Variants in APOB observed in about 807,000 individuals in gnomAD.
APOB encodes the protein apolipoprotein B, also known as apolipoprotein B-100.
A neutral mutation model predicts 314.1 loss-of-function variants in APOB; 153 were observed. That is an observed-to-expected ratio of 0.49 (90% confidence interval 0.43 to 0.56). The LOEUF is 0.56. APOB is among the 20% of genes least tolerant of loss of function. The probability of loss-of-function intolerance (pLI) is 0.00; values close to 1 mark genes in which losing one functional copy is unlikely to be tolerated. For synonymous variants in APOB, 2,087 were observed against 2,036.4 expected, an observed-to-expected ratio of 1.02 and a Z score of -0.67; for missense variants, 5,430 against 5,350.7, an observed-to-expected ratio of 1.01 and a Z score of -0.46.
Position 21,028,013 on chromosome 2 carries a change from T to A in APOB, c.1882A>T (p.Met628Leu), listed in dbSNP as rs756884638. ...TTCCGAGAGAATTTTCTGAAGTCCA[T>A]GACAGTTGGAAGTTGAGATTCTTTC... ...ALKESQLPTV[M>L]DFRKFSRNYQ... Residue 628 changes from methionine (M) to leucine (L), a missense_variant, in exon 14 of 29, where the codon ATG becomes TTG. Coordinates refer to ENST00000233242, the MANE Select transcript of APOB (RefSeq NM_000384.3). The A allele has an allele frequency of 2.5e-6, 4 of 1,614,068 alleles. No individual in the cohort carries two copies. The highest frequency in any genetic ancestry group is 3.4e-6 in the Non-Finnish European group (4 of 1,179,894).
chr2:21,007,353 C>T lies in APOB; in HGVS notation c.9515G>A (p.Ser3172Asn), dbSNP rs763688290. The change falls in exon 26 of 29, where the codon AGT becomes AAT. Residue 3172 changes from serine (S) to asparagine (N), a missense_variant. Ser to Asn is a conservative substitution (Grantham distance 46). This residue lies in a region of APOB where 3,281 missense variants were observed against 3,171.0 expected (regional missense o/e 1.03). Coordinates refer to ENST00000233242, the MANE Select transcript of APOB (RefSeq NM_000384.3). ...GTTTTTCTTATACTGAGCTTTTACA[C>T]TTAAATCAAATGATTGCTTTGTCGT... ...LKTTKQSFDLSVKAQYKKNKH... is the reference protein window; with the variant it reads ...LKTTKQSFDLNVKAQYKKNKH... 36 of 1,613,878 alleles carry T rather than the reference C, an allele frequency of 2.2e-5. No individual in the cohort carries two copies. Among genetic ancestry groups the T allele is most frequent in the Non-Finnish European group, 2.9e-5 (34 of 1,179,960 alleles).
In APOB at chr2:21,011,184, A is replaced by G. The variant is rs149162499; in HGVS notation, c.5684T>C (p.Val1895Ala). Residue 1895 changes from valine to alanine, a missense_variant, in exon 26 of 29, where the codon GTC becomes GCC. Val to Ala is a moderately conservative substitution (Grantham distance 64). Around this residue, in one of 3 missense-constraint regions of APOB, gnomAD observed 3,281 missense variants for 3,171.0 expected, o/e 1.03. Transcript: ENST00000233242. Reference protein sequence around the residue: ...YNSDSLHFSNVFRSVMAPFTM... With the variant: ...YNSDSLHFSNAFRSVMAPFTM... ...AAACGGGGCCATTACAGAACGGAAGACATTGCTGAAATGCAGTGAGTCTGA... is the reference window on the plus strand; with the variant it reads ...AAACGGGGCCATTACAGAACGGAAGGCATTGCTGAAATGCAGTGAGTCTGA... 9 of 1,614,200 alleles carry G rather than the reference A, an allele frequency of 5.6e-6. No individual in the cohort carries two copies. The highest frequency in any genetic ancestry group is 7.6e-6 in the Non-Finnish European group (9 of 1,180,030).
In APOB at chr2:21,040,948, C is replaced by A; in HGVS notation, c.373G>T (p.Ala125Ser). The A allele has an allele frequency of 6.2e-7, 1 of 1,614,068 alleles. No individual in the cohort carries two copies. Among genetic ancestry groups the A allele is most frequent in the Non-Finnish European group, 8.5e-7 (1 of 1,180,028 alleles). The change falls in exon 4 of 29, where the codon GCC becomes TCC. Residue 125 changes from alanine to serine, a missense_variant. Coordinates refer to ENST00000233242, the MANE Select transcript of APOB (RefSeq NM_000384.3). ...KTKNSEEFAA[A>S]MSRYELKLAI... ...TACAACATGACTTACCTGGACATGG[C>A]TGCAGCAAACTCCTCAGAGTTCTTG... is the stretch of plus-strand genomic sequence containing the variant.
At chr2:21,017,368 T>C (rs977107280) in intron 20 of APOB, among the ~76,000 whole-genome samples, 1 of 152,110 alleles carries the variant, frequency 6.6e-6, no homozygotes, top group Non-Finnish European at 1.5e-5. Context: ...GTAATGAATG[T>C]TATGAAGAAG....
chr2:21,007,522 C>A lies in APOB; in HGVS notation c.9346G>T (p.Gly3116Ter). Residue 3116 changes from glycine to a stop codon, truncating the protein, a stop_gained, in exon 26 of 29, where the codon GGA becomes TGA. Coordinates refer to ENST00000233242, the MANE Select transcript of APOB (RefSeq NM_000384.3). LOFTEE classifies it high-confidence loss of function. Reference protein sequence around the residue: ...NNENIMEAHVGINGEANLDFL... With the variant: ...NNENIMEAHV ...TCCAGATTTGCTTCTCCATTTATTC[C>A]TACATGGGCCTCCATAATGTTCTCG... The A allele has an allele frequency of 6.2e-7, 1 of 1,614,036 alleles. No homozygotes were observed. The highest frequency in any genetic ancestry group is 8.5e-7 in the Non-Finnish European group (1 of 1,179,962).
chr2:21,037,395 A>G (rs938121255), intron 5 of APOB, 140 bp from the exon 6 acceptor site: 1 of 991,626 alleles, frequency 1.0e-6, no homozygotes, highest in Admixed American at 2.0e-5. Flanking sequence ...CTTCCTATGC[A>G]GAGTGTGGTC....
At position 21,005,257 on chromosome 2, in the gene APOB, C is replaced by T. The variant is rs1239951205; in HGVS notation, c.11611G>A (p.Val3871Ile). Residue 3871 changes from valine to isoleucine, a missense_variant, in exon 26 of 29, where the codon GTA becomes ATA. By Grantham distance (29) the Val-to-Ile change is conservative. Coordinates refer to ENST00000233242, the MANE Select transcript of APOB (RefSeq NM_000384.3). ...GAAGGAATGACAATTCCAGCAGGTACAGAGAACTTAATGGAGGGAATCTCA... is the reference window on the plus strand; with the variant it reads ...GAAGGAATGACAATTCCAGCAGGTATAGAGAACTTAATGGAGGGAATCTCA... ...TIEIPSIKFSVPAGIVIPSFQ... is the reference protein window; with the variant it reads ...TIEIPSIKFSIPAGIVIPSFQ... 34 of 1,613,930 alleles carry T rather than the reference C, an allele frequency of 2.1e-5. No individual in the cohort carries two copies. Among genetic ancestry groups the T allele is most frequent in the Non-Finnish European group, 2.9e-5 (34 of 1,179,972 alleles).
Position 21,043,514 on chromosome 2 carries a change from TG to T in APOB, c.119del (p.Pro40GlnfsTer53). ...EMLENVSLVCPKDATRFKHLR... is the reference protein window; with the variant it reads ...EMLENVSLVCXKDATRFKHLR... Reference sequence around the variant, plus strand: ...ACGCCCCATGCGCAGATGCCTTACTTGGACAGACCAGGCTGACATTTTCCAG... The same window carrying T: ...ACGCCCCATGCGCAGATGCCTTACTTGACAGACCAGGCTGACATTTTCCAG... On this transcript the variant is annotated frameshift_variant and splice_region_variant, in exon 2 of 29. Coordinates refer to ENST00000233242, the MANE Select transcript of APOB (RefSeq NM_000384.3). LOFTEE classifies it high-confidence loss of function. 1 of 1,604,418 alleles carries T rather than the reference TG, an allele frequency of 6.2e-7. No homozygotes were observed. Among genetic ancestry groups the T allele is most frequent in the Non-Finnish European group, 8.5e-7 (1 of 1,175,574 alleles).
rs12714225 is a variant in APOB at position 21,032,483 on chromosome 2, A to G, written c.1223T>C (p.Ile408Thr). The change falls in exon 10 of 29, where the codon ATA (isoleucine) becomes ACA (threonine). Residue 408 changes from isoleucine (I) to threonine (T), a missense_variant. Ile to Thr is a moderately conservative substitution (Grantham distance 89). Around this residue, in one of 3 missense-constraint regions of APOB, gnomAD observed 2,085 missense variants for 2,079.7 expected, o/e 1.00. Transcript: ENST00000233242. The part of the protein sequence containing the change: ...LKRVHANPLL[I>T]DVVTYLVALI... Reference sequence around the variant, plus strand: ...GGCCACCAGGTAGGTGACCACATCTATCAGAAGGGGGTTGGCATGCACACG... The same window carrying G: ...GGCCACCAGGTAGGTGACCACATCTGTCAGAAGGGGGTTGGCATGCACACG... The G allele has an allele frequency of 1.3e-3, 2,130 of 1,614,190 alleles. 23 individuals carry two copies. In the African/African-American group the frequency reaches 0.026, roughly 20 times the overall value.
In APOB at chr2:21,009,570, T is replaced by A. The variant is rs747588681; in HGVS notation, c.7298A>T (p.His2433Leu). The part of the protein sequence containing the change: ...LIKKLKSFDY[H>L]QFVDETNDKI... ...GTCATTGGTTTCATCTACAAACTGG[T>A]GGTAATCAAATGACTTTAATTTCTT... The change falls in exon 26 of 29, where the codon CAC becomes CTC. Residue 2433 changes from histidine to leucine, a missense_variant. This residue lies in a region of APOB where 3,281 missense variants were observed against 3,171.0 expected (regional missense o/e 1.03). Coordinates refer to ENST00000233242, the MANE Select transcript of APOB (RefSeq NM_000384.3). The A allele has an allele frequency of 3.7e-6, 6 of 1,613,912 alleles. No individual in the cohort carries two copies. In the African/African-American group the frequency reaches 8.0e-5, roughly 22 times the overall value.
At chr2:21,043,587 A>G (rs765967664) in intron 1 of APOB, 36 bp from the exon 2 acceptor site, 4 of 1,582,588 alleles carry the variant, frequency 2.5e-6, no homozygotes, top group Non-Finnish European at 3.4e-6. Context: ...TGAGCTTCCC[A>G]CGTCTTCCCA....
chr2:21,017,022 CAAATAAAT>C (rs545958284), intron 20 of APOB, among the ~76,000 whole-genome samples: 1 of 129,924 alleles, frequency 7.7e-6, no homozygotes, highest in South Asian at 2.2e-4. Flanking sequence ...AATAAACAAA[CAAATAAAT>C]AAATAAATAA....
chr2:21,020,922 T>C (rs926508940), intron 18 of APOB, among the ~76,000 whole-genome samples: 1 of 152,200 alleles, frequency 6.6e-6, no homozygotes, highest in Non-Finnish European at 1.5e-5. Flanking sequence ...TGCTGGTTAT[T>C]CCCCTTCTTC....
chr2:21,004,790 T>C, intron 26 of APOB, 115 bp from the exon 27 acceptor site: 1 of 850,056 alleles, frequency 1.2e-6, no homozygotes, highest in South Asian at 1.4e-5. Flanking sequence ...GTGTTTAAAA[T>C]ATGCAATGTA....
At chr2:21,025,799 T>C (rs540216721) in intron 15 of APOB, among the ~76,000 whole-genome samples, 14 of 152,218 alleles carry the variant, frequency 9.2e-5, no homozygotes, top group Non-Finnish European at 1.9e-4. Flanking sequence ...GCGCTTCTGA[T>C]TCAGTAGATT....
At chr2:21,042,148 G>A (rs982191622) in intron 3 of APOB, among the ~76,000 whole-genome samples, 1 of 152,174 alleles carries the variant, frequency 6.6e-6, no homozygotes, top group Non-Finnish European at 1.5e-5. Context: ...TCTGACTTGC[G>A]AAATTTGGTG....
intron 4 of APOB, 128 bp downstream of exon 4, chr2:21,040,810 A>C: frequency 9.5e-7 from 1 of 1,056,970 alleles, no homozygotes; most frequent in Admixed American, 2.0e-5. Context: ...AAAACTCAGT[A>C]ATTCCCTGAT....
chr2:21,034,671 G>A (rs1476199918), intron 8 of APOB, 145 bp downstream of exon 8: 7 of 718,446 alleles, frequency 9.7e-6, no homozygotes, highest in Non-Finnish European at 1.8e-5. Context: ...AAATGAGTTT[G>A]CTTTCTCACT....
chr2:21,035,030 C>T, intron 7 of APOB, 129 bp from the exon 8 acceptor site: 1 of 755,870 alleles, frequency 1.3e-6, no homozygotes, highest in Non-Finnish European at 2.5e-6. Context: ...TAAATCCAGC[C>T]ATTGTTGGCC....
Sources: gnomAD v4.1 joint callset for allele counts (sites outside exome capture counted in the v4.1 genomes callset) on GRCh38, gnomAD v4.1.1 for gene constraint, gnomAD v4.1.1 regional missense constraint, MANE v1.5 for transcripts, NCBI Gene and HGNC (gene_info 2026-07-23, HGNC 2026-07-21) for gene names.